The following HS6ST2 variants were observed in gnomAD, a reference collection of about 807,000 sequenced individuals.
The protein encoded by HS6ST2 is heparan-sulfate 6-O-sulfotransferase 2.
HS6ST2 carries 17 observed loss-of-function variants against 33.0 expected under a neutral mutation model. The observed-to-expected ratio is 0.52, with a 90% CI of 0.35 to 0.77. The LOEUF (loss-of-function observed/expected upper bound fraction) is 0.77, where lower values mean the gene tolerates loss of function less well. HS6ST2 is among the 30% of genes least tolerant of loss of function. The pLI is 0.01. For synonymous variants in HS6ST2, 248 were observed against 237.1 expected (o/e 1.05, Z -0.42); for missense variants, 519 against 551.7 (o/e 0.94, Z 0.59).
intron 2 of HS6ST2, among the ~76,000 whole-genome samples, chrX:132,911,802 T>C (rs2066537764): frequency 9.0e-6 from 1 of 110,587 alleles, no homozygotes; most frequent in African/African-American, 3.3e-5. Flanking sequence ...CACGCCTGGC[T>C]AATTTTTTGT....
chrX:132,680,201 T>A (rs1230577751), intron 3 of HS6ST2, among the ~76,000 whole-genome samples: 2 of 110,427 alleles, frequency 1.8e-5, no homozygotes, highest in African/African-American at 6.6e-5. Context: ...CATAAGAAAT[T>A]ATAAAAGTAT....
At chrX:132,681,729 G>A (rs112030679) in intron 3 of HS6ST2, among the ~76,000 whole-genome samples, 11 of 112,222 alleles carry the variant, frequency 9.8e-5, no homozygotes, top group East Asian at 2.8e-4. Flanking sequence ...TATCATCTCC[G>A]TCACCTCTTT....
At chrX:132,671,537 A>G (rs769660611) in intron 3 of HS6ST2, among the ~76,000 whole-genome samples, 1 of 106,920 alleles carries the variant, frequency 9.4e-6, no homozygotes, top group East Asian at 2.9e-4. Flanking sequence ...TATAGTTTAC[A>G]TTATAATTGA....
chrX:132,952,289 T>C (rs2067023113), intron 2 of HS6ST2, among the ~76,000 whole-genome samples: 1 of 111,715 alleles, frequency 9.0e-6, no homozygotes, highest in African/African-American at 3.3e-5. Context: ...TTTCTCCCCC[T>C]CTTCTATGAA....
chrX:132,923,369 C>G (rs765791294), intron 2 of HS6ST2, among the ~76,000 whole-genome samples: 12 of 111,163 alleles, frequency 1.1e-4, no homozygotes, highest in Admixed American at 1.1e-3. Context: ...GTGCCTTGGT[C>G]GAGGAGGAAG....
At chrX:132,710,585 A>C (rs1421891866) in intron 2 of HS6ST2, among the ~76,000 whole-genome samples, 4 of 111,028 alleles carry the variant, frequency 3.6e-5, no homozygotes, top group African/African-American at 3.3e-5. Flanking sequence ...CAATTCTAGG[A>C]AAGAGTTTCT....
intron 3 of HS6ST2, among the ~76,000 whole-genome samples, chrX:132,684,864 T>C (rs1206287371): frequency 8.9e-6 from 1 of 111,913 alleles, no homozygotes. Context: ...TGTTTTCTTT[T>C]ATCATCATCT....
At chrX:132,729,148 G>A (rs773816834) in intron 2 of HS6ST2, among the ~76,000 whole-genome samples, 134 of 112,508 alleles carry the variant, frequency 1.2e-3, no homozygotes, top group African/African-American at 4.2e-3. Flanking sequence ...CATCCTTAGG[G>A]GAGAAAAATC....
intron 4 of HS6ST2, among the ~76,000 whole-genome samples, chrX:132,637,866 ATT>A (rs1179262972): frequency 9.4e-5 from 4 of 42,663 alleles, no homozygotes; most frequent in African/African-American, 8.2e-4. Context: ...TATATAATAT[ATT>A]ATATATAATA....
intron 2 of HS6ST2, among the ~76,000 whole-genome samples, chrX:132,867,999 A>G (rs2066009124): frequency 8.9e-6 from 1 of 112,157 alleles, no homozygotes; most frequent in African/African-American, 3.2e-5. Context: ...CAAATTGGAT[A>G]AAGAGTCAAG....
upstream of HS6ST2, chrX:132,958,980 C>G (rs868248924): frequency 6.0e-6 from 1 of 167,642 alleles, no homozygotes; most frequent in Admixed American, 7.4e-5. Flanking sequence ...TCCTGTGTAC[C>G]AAACCCTGTG....
intron 2 of HS6ST2, among the ~76,000 whole-genome samples, chrX:132,944,588 A>G (rs2066924790): frequency 8.9e-6 from 1 of 111,754 alleles, no homozygotes; most frequent in African/African-American, 3.3e-5. Context: ...GCATCACGCT[A>G]CCTGACTTCA....
rs757229788 is a variant in HS6ST2, at chrX:132,669,024, T to C, written c.1067+89A>G. 2.8e-5 allele frequency: 16 copies of C among 580,754 alleles called. No homozygotes were observed. The Admixed American group carries it at 4.6e-4, about 17-fold the overall frequency. The allele number at this position is 580,754 out of a possible 1,213,427, so 47.9% of individuals were successfully genotyped here. The stretch of plus-strand genomic sequence containing the variant: ...ACAGAAGACATTCCACAAATCTTTG[T>C]TGAATGAATATGAATAAATGACAAA... On this transcript the variant is annotated intron_variant, in intron 4 of 4. Transcript: ENST00000370833.
chrX:132,800,500 C>A (rs1318005825), intron 2 of HS6ST2, among the ~76,000 whole-genome samples: 1 of 111,290 alleles, frequency 9.0e-6, no homozygotes, highest in African/African-American at 3.3e-5. Flanking sequence ...ATCTCCCACC[C>A]CCTAAGCCCA....
At chrX:132,839,078 C>CAAAA (rs10700617) in intron 2 of HS6ST2, among the ~76,000 whole-genome samples, 2 of 80,932 alleles carry the variant, frequency 2.5e-5, no homozygotes, top group Non-Finnish European at 4.7e-5. Context: ...GAAGATTCCT[C>CAAAA]AAAAAAAAAA....
At chrX:132,726,176 T>C (rs1312687375) in intron 2 of HS6ST2, among the ~76,000 whole-genome samples, 1 of 111,535 alleles carries the variant, frequency 9.0e-6, no homozygotes, top group Non-Finnish European at 1.9e-5. Flanking sequence ...ATCAGGCTGT[T>C]TGTAACACAA....
In HS6ST2 at chrX:132,662,727, A is replaced by G; in HGVS notation, c.1067+6386T>C. 1.8e-5 allele frequency among the ~76,000 whole-genome samples: 2 copies of G among 112,448 alleles called. 1 individual carries two copies. Among genetic ancestry groups the G allele is most frequent in the Non-Finnish European group, 3.8e-5 (2 of 53,293 alleles). On this transcript the variant is annotated intron_variant, in intron 4 of 4. Coordinates refer to ENST00000370833, the MANE Select transcript of HS6ST2 (RefSeq NM_001394073.1). Reference sequence around the variant, plus strand: ...CCTAACCATCACAGAGATGCAGGTGAACTTGCTAAGAAACATTTCCATGGC... The same window carrying G: ...CCTAACCATCACAGAGATGCAGGTGGACTTGCTAAGAAACATTTCCATGGC...
At chrX:132,861,756 G>T (rs768861428) in intron 2 of HS6ST2, among the ~76,000 whole-genome samples, 44 of 111,452 alleles carry the variant, frequency 3.9e-4, no homozygotes, top group South Asian at 1.5e-3. Flanking sequence ...ACTTTCCCGG[G>T]TATCTTAAGG....
intron 2 of HS6ST2, among the ~76,000 whole-genome samples, chrX:132,951,418 TC>T (rs2067015382): frequency 9.0e-6 from 1 of 110,994 alleles, no homozygotes; most frequent in African/African-American, 3.3e-5. Flanking sequence ...CCACAATGCC[TC>T]CTTTCTTCTT....
Sources: allele counts gnomAD v4.1 joint callset (sites outside exome capture counted in the v4.1 genomes callset), GRCh38; gene constraint gnomAD v4.1.1; transcripts MANE v1.5; gene names NCBI Gene and HGNC (gene_info 2026-07-23, HGNC 2026-07-21).